The following TCF12 variants were observed in gnomAD, a reference collection of about 807,000 sequenced individuals.
The protein encoded by TCF12 is transcription factor 12.
Under a neutral mutation model 86.0 loss-of-function variants are expected in TCF12, and 45 were observed. That is an observed-to-expected ratio of 0.52 (90% CI 0.41 to 0.67). The LOEUF (loss-of-function observed/expected upper bound fraction) is 0.67. Among genes scored for constraint, TCF12 ranks in the 30% least tolerant of loss-of-function variants. The pLI is 0.00. For missense variants in TCF12, 881 were observed against 859.9 expected (o/e 1.02, Z -0.31); for synonymous variants, 330 against 299.6 (o/e 1.10, Z -1.05).
At chr15:57,257,993 GAAAAT>G (rs1166524600) in intron 16 of TCF12, among the ~76,000 whole-genome samples, 1 of 152,082 alleles carries the variant, frequency 6.6e-6, no homozygotes, top group East Asian at 1.9e-4. Context: ...GTAGAAAACT[GAAAAT>G]AAAAGGAATC....
chr15:57,074,045 C>G (rs543276325), intron 4 of TCF12, among the ~76,000 whole-genome samples: 1 of 152,038 alleles, frequency 6.6e-6, no homozygotes, highest in African/African-American at 2.4e-5. Flanking sequence ...CCACCACGCC[C>G]GGCCTTAGAA....
chr15:57,156,314 A>G (rs1351989312), intron 5 of TCF12, among the ~76,000 whole-genome samples: 1 of 152,162 alleles, frequency 6.6e-6, no homozygotes, highest in African/African-American at 2.4e-5. Flanking sequence ...TTTAATCCAC[A>G]CTTGCCCCAC....
intron 5 of TCF12, among the ~76,000 whole-genome samples, chr15:57,151,629 G>A (rs1276003335): frequency 6.6e-6 from 1 of 152,088 alleles, no homozygotes; most frequent in Non-Finnish European, 1.5e-5. Context: ...GCTGGGTGTG[G>A]TGGCGCATGC....
At chr15:57,032,688 T>C (rs2066273778) in intron 3 of TCF12, among the ~76,000 whole-genome samples, 1 of 152,178 alleles carries the variant, frequency 6.6e-6, no homozygotes, top group Non-Finnish European at 1.5e-5. Context: ...CAAGTGATTC[T>C]CCCACCTAGG....
chr15:57,241,893 G>A (rs2059647538), intron 12 of TCF12, among the ~76,000 whole-genome samples: 1 of 142,334 alleles, frequency 7.0e-6, no homozygotes, highest in Non-Finnish European at 1.6e-5. Context: ...CTGGGAGGCT[G>A]AGCGGGGAAA....
Position 56,979,465 on chromosome 15 carries a change from G to A in TCF12, c.148+58367G>A, listed in dbSNP as rs181491188. Among the ~76,000 whole-genome samples the A allele has an allele frequency of 3.9e-5, 6 of 152,144 alleles. No individual in the cohort carries two copies. In the East Asian group the frequency reaches 1.2e-3, roughly 29 times the overall value. On this transcript the variant is annotated intron_variant, in intron 3 of 20. Coordinates refer to ENST00000333725, the MANE Select transcript of TCF12 (RefSeq NM_207037.2). ...GTGAACCATGCATTCCTGAGAGATG[G>A]GCAATGATAGTAGAAATAGATCCTG... is the stretch of plus-strand genomic sequence containing the variant.
At chr15:57,024,792 A>G (rs941864003) in intron 3 of TCF12, among the ~76,000 whole-genome samples, 1 of 152,220 alleles carries the variant, frequency 6.6e-6, no homozygotes, top group Non-Finnish European at 1.5e-5. Context: ...CTCCACATAT[A>G]AAAGAACCAT....
intron 6 of TCF12, among the ~76,000 whole-genome samples, chr15:57,184,660 A>G (rs12899588): frequency 0.39 from 58,777 of 152,050 alleles, 14,108 homozygotes; most frequent in Non-Finnish European, 0.53. Context: ...GCCCTTAAGC[A>G]TGTGGTAATA....
rs1211131359 is a variant in TCF12 at position 57,176,480 on chromosome 15, C to T, written c.390+10014C>T. Among the ~76,000 whole-genome samples, 3 of 152,330 alleles carry T rather than the reference C, an allele frequency of 2.0e-5. No homozygotes were observed. The East Asian group carries it at 5.8e-4, about 29-fold the overall frequency. On this transcript the variant is annotated intron_variant, in intron 6 of 20. Transcript: ENST00000333725. ...TAACAATGATGATACTACATAATAACTAGCATGTATCAGTCACTTGACCCT... is the reference window on the plus strand; with the variant it reads ...TAACAATGATGATACTACATAATAATTAGCATGTATCAGTCACTTGACCCT...
chr15:57,003,313 G>C (rs1305258896), intron 3 of TCF12, among the ~76,000 whole-genome samples: 7 of 152,124 alleles, frequency 4.6e-5, no homozygotes, highest in African/African-American at 1.7e-4. Flanking sequence ...CAGCATTTTT[G>C]TTAACTGATC....
At chr15:57,170,698 TATATA>T (rs1567558546) in intron 6 of TCF12, among the ~76,000 whole-genome samples, 1 of 2,894 alleles carries the variant, frequency 3.5e-4, no homozygotes, top group Non-Finnish European at 6.9e-4. Context: ...TAATATATAT[TATATA>T]TAATATATAA....
intron 5 of TCF12, among the ~76,000 whole-genome samples, chr15:57,107,999 A>T (rs1199142064): frequency 1.3e-5 from 2 of 152,224 alleles, no homozygotes; most frequent in African/African-American, 4.8e-5. Flanking sequence ...TTTTTAGGAA[A>T]CTACAATTCT....
At chr15:57,280,159 G>T (rs1471783081) in intron 19 of TCF12, among the ~76,000 whole-genome samples, 1 of 151,806 alleles carries the variant, frequency 6.6e-6, no homozygotes, top group Non-Finnish European at 1.5e-5. Flanking sequence ...CAAAGTGCTG[G>T]GATTATAGGC....
intron 3 of TCF12, among the ~76,000 whole-genome samples, chr15:57,034,458 T>G (rs1453876900): frequency 6.6e-6 from 1 of 152,176 alleles, no homozygotes; most frequent in East Asian, 1.9e-4. Context: ...CAAAGGAAAT[T>G]AATAATGTTT....
At chr15:57,188,050 C>T (rs1006666054) in intron 6 of TCF12, among the ~76,000 whole-genome samples, 70 of 151,706 alleles carry the variant, frequency 4.6e-4, no homozygotes, top group African/African-American at 1.6e-3. Context: ...CTTATATATA[C>T]GAAATTTTAA....
rs116838191 is a variant in TCF12 at position 57,143,555 on chromosome 15, A to G, written c.326-22847A>G. 7.4e-3 allele frequency among the ~76,000 whole-genome samples: 1,127 copies of G among 152,300 alleles called. 15 individuals are homozygous for G. The highest frequency in any genetic ancestry group is 0.026 in the African/African-American group (1,077 of 41,566). On this transcript the variant is annotated intron_variant, in intron 5 of 20. Coordinates refer to ENST00000333725, the MANE Select transcript of TCF12 (RefSeq NM_207037.2). ...ATTTAAAAAATGGATTTTGTGTTCC[A>G]TGTATAGAGAAGGAAAAAAATCTTT...
At chr15:56,976,224 C>CT (rs35959497) in intron 3 of TCF12, among the ~76,000 whole-genome samples, 1,034 of 57,308 alleles carry the variant, frequency 0.018, 22 homozygotes, top group Admixed American at 0.02. Flanking sequence ...AAGGAAGTTT[C>CT]TTTTTTTTTT....
Position 56,952,626 on chromosome 15 carries a change from A to C in TCF12, c.148+31528A>C, listed in dbSNP as rs573163857. 9.1e-4 allele frequency among the ~76,000 whole-genome samples: 138 copies of C among 152,262 alleles called. 1 individual carries two copies. The highest frequency in any genetic ancestry group is 3.0e-3 in the African/African-American group (126 of 41,572). ...ATATTGTCAGATATATCTCTGTTTC[A>C]TACTTGATACTGTTATATATGGCAT... On this transcript the variant is annotated intron_variant, in intron 3 of 20. Coordinates refer to ENST00000333725, the MANE Select transcript of TCF12 (RefSeq NM_207037.2).
At chr15:56,935,310 A>G (rs1224122461) in intron 3 of TCF12, among the ~76,000 whole-genome samples, 2 of 152,002 alleles carry the variant, frequency 1.3e-5, no homozygotes, top group Admixed American at 6.6e-5. Context: ...ATTTTCTCAC[A>G]GTTTTGGAGG....
Sources: gnomAD v4.1 joint callset for allele counts (sites outside exome capture counted in the v4.1 genomes callset) on GRCh38, gnomAD v4.1.1 for gene constraint, MANE v1.5 for transcripts, NCBI Gene and HGNC (gene_info 2026-07-23, HGNC 2026-07-21) for gene names.